MMD2: variants seen among roughly 807,000 people sequenced by gnomAD.
MMD2 encodes the protein monocyte to macrophage differentiation associated 2.
In MMD2, 30 loss-of-function variants were observed where a neutral mutation model predicts 33.5. The ratio of observed to expected loss-of-function variants is 0.90; its 90% confidence interval spans 0.67 to 1.22. The LOEUF (loss-of-function observed/expected upper bound fraction) is 1.22, where lower values mean the gene tolerates loss of function less well. Among genes scored for constraint, MMD2 ranks in the 50% most tolerant of loss-of-function variants. The pLI is 0.00. For missense variants in MMD2, 364 were observed against 325.4 expected, an observed-to-expected ratio of 1.12 and a Z score of -0.91; for synonymous variants, 129 against 123.0, an observed-to-expected ratio of 1.05 and a Z score of -0.32.
chr7:4,900,520 T>C, the MMD2 span, among the ~76,000 whole-genome samples: 2,283 of 152,146 alleles, frequency 0.015, 134 homozygotes, highest in East Asian at 0.21. Flanking sequence ...CTTGGTTAAT[T>C]TCACCCTACC....
At chr7:4,900,249 G>A in the MMD2 span, among the ~76,000 whole-genome samples, 3 of 152,012 alleles carry the variant, frequency 2.0e-5, no homozygotes, top group Non-Finnish European at 2.9e-5. Context: ...GAGACAGAGC[G>A]AGACTGTGTC....
chr7:4,945,198 T>TCTTCTTCTTCTTCTTCTTCTTCTTCTTCG (rs1562493786), intron 1 of MMD2, among the ~76,000 whole-genome samples: 108 of 136,838 alleles, frequency 7.9e-4, no homozygotes, highest in African/African-American at 2.9e-3. Context: ...CTTCTTCTTC[T>TCTTCTTCTTCTTCTTCTTCTTCTTCTTCG]TCTTCTTCTT....
chr7:4,896,326 A>G, the MMD2 span, among the ~76,000 whole-genome samples: 1 of 152,208 alleles, frequency 6.6e-6, no homozygotes, highest in Admixed American at 6.5e-5. Context: ...CTAAAATACA[A>G]AAAGTTAGCT....
intron 4 of MMD2, among the ~76,000 whole-genome samples, chr7:4,915,675 G>A (rs1369717386): frequency 6.6e-6 from 1 of 151,284 alleles, no homozygotes; most frequent in African/African-American, 2.4e-5. Flanking sequence ...GGGAGGCAGA[G>A]GTTGCAGTGA....
At chr7:4,951,819 G>A (rs1176428549) in intron 1 of MMD2, among the ~76,000 whole-genome samples, 4 of 152,048 alleles carry the variant, frequency 2.6e-5, no homozygotes, top group Non-Finnish European at 5.9e-5. Flanking sequence ...AGACTGGTCT[G>A]AAACTCCTGG....
At chr7:4,930,703 G>A (rs558559125) in intron 1 of MMD2, among the ~76,000 whole-genome samples, 45 of 151,656 alleles carry the variant, frequency 3.0e-4, no homozygotes, top group African/African-American at 9.0e-4. Context: ...AGAGACACAC[G>A]GGGACGACAG....
chr7:4,948,981 T>G (rs984726230), intron 1 of MMD2, among the ~76,000 whole-genome samples: 4 of 152,048 alleles, frequency 2.6e-5, no homozygotes, highest in African/African-American at 9.7e-5. Context: ...CTAACTAGTT[T>G]TTGTATTCTT....
the MMD2 span, among the ~76,000 whole-genome samples, chr7:4,894,448 T>C: frequency 4.6e-5 from 7 of 152,152 alleles, no homozygotes; most frequent in Non-Finnish European, 1.0e-4. This position sits in a 1 kb window ranked among gnomAD's most constrained non-coding sequence, Gnocchi z 4.3. Context: ...ACAGAGTGGC[T>C]TTTAAGCGTG....
chr7:4,934,370 C>G (rs1042268716), intron 1 of MMD2, among the ~76,000 whole-genome samples: 1 of 152,224 alleles, frequency 6.6e-6, no homozygotes, highest in African/African-American at 2.4e-5. Context: ...TCCCAGAGTG[C>G]TGGGTTACAG....
At chr7:4,930,225 C>A (rs1197259270) in intron 1 of MMD2, among the ~76,000 whole-genome samples, 2 of 144,506 alleles carry the variant, frequency 1.4e-5, no homozygotes, top group Non-Finnish European at 3.0e-5. Context: ...GCCAAGATCA[C>A]GCCGCCACTG....
At chr7:4,925,560 G>T in intron 1 of MMD2, 28 bp from the exon 2 acceptor site, 1 of 1,531,298 alleles carries the variant, frequency 6.5e-7, no homozygotes, top group South Asian at 1.2e-5. Flanking sequence ...ATTCCAGGAA[G>T]CTCCGCTGGG....
At chr7:4,934,794 C>T (rs953618599) in intron 1 of MMD2, among the ~76,000 whole-genome samples, 7 of 152,188 alleles carry the variant, frequency 4.6e-5, no homozygotes, top group East Asian at 1.9e-4. Context: ...GGCAGTTGAC[C>T]GCTGTGTGAG....
intron 2 of MMD2, among the ~76,000 whole-genome samples, chr7:4,923,860 C>T (rs1168776821): frequency 6.6e-6 from 1 of 152,078 alleles, no homozygotes; most frequent in East Asian, 1.9e-4. Flanking sequence ...AACTTAGAAC[C>T]CAGTGTGGGC....
chr7:4,902,511 A>T (rs1784808049), downstream of MMD2, among the ~76,000 whole-genome samples: 1 of 152,130 alleles, frequency 6.6e-6, no homozygotes, highest in Non-Finnish European at 1.5e-5. Context: ...AGTCTGTGTG[A>T]ATCGGTGAAG....
At chr7:4,921,103 G>C (rs60748105) in intron 2 of MMD2, among the ~76,000 whole-genome samples, 16,462 of 152,142 alleles carry the variant, frequency 0.11, 1,073 homozygotes, top group East Asian at 0.17. Flanking sequence ...ATTCTCAAAG[G>C]GGTCCATGTA....
the MMD2 span, among the ~76,000 whole-genome samples, chr7:4,897,595 G>C: frequency 6.6e-6 from 1 of 152,240 alleles, no homozygotes; most frequent in East Asian, 1.9e-4. Flanking sequence ...GCTCCTAGCG[G>C]AACCTGGCAG....
chr7:4,914,057 C>T (rs1785081419), intron 4 of MMD2, among the ~76,000 whole-genome samples: 1 of 152,192 alleles, frequency 6.6e-6, no homozygotes, highest in Non-Finnish European at 1.5e-5. Flanking sequence ...ACAATCATAG[C>T]TCACTGCAGC....
At chr7:4,933,698 T>C (rs1301059398) in intron 1 of MMD2, among the ~76,000 whole-genome samples, 1 of 152,030 alleles carries the variant, frequency 6.6e-6, no homozygotes, top group East Asian at 1.9e-4. Flanking sequence ...AGTGGTGTCA[T>C]CATAGCTCAC....
downstream of MMD2, among the ~76,000 whole-genome samples, chr7:4,905,714 C>T (rs1446027170): frequency 6.6e-6 from 1 of 152,158 alleles, no homozygotes; most frequent in Non-Finnish European, 1.5e-5. The surrounding 1 kb of genome is among the most constrained non-coding windows in gnomAD (Gnocchi z 5.0). Flanking sequence ...TCTCTGTCCC[C>T]ATTTGGGAAC....
Sources: allele counts gnomAD v4.1 joint callset (sites outside exome capture counted in the v4.1 genomes callset), GRCh38; gene constraint gnomAD v4.1.1; non-coding constraint Gnocchi (gnomAD v3.1); transcripts MANE v1.5; gene names NCBI Gene and HGNC (gene_info 2026-07-23, HGNC 2026-07-21).